Variants in GPC3 observed in about 807,000 individuals in gnomAD.
The protein encoded by GPC3 is glypican 3.
A neutral mutation model predicts 34.4 loss-of-function variants in GPC3; 3 were observed. That is an observed-to-expected ratio of 0.09 (90% confidence interval 0.04 to 0.23). The LOEUF (loss-of-function observed/expected upper bound fraction) is 0.23, where lower values mean the gene tolerates loss of function less well. Ranked by LOEUF, GPC3 falls within the 10% of genes least tolerant of loss-of-function variation. The probability of loss-of-function intolerance (pLI) is 1.00; values close to 1 mark genes in which losing one functional copy is unlikely to be tolerated. For synonymous variants in GPC3, 177 were observed against 174.0 expected (o/e 1.02, Z -0.13); for missense variants, 351 against 445.6 (o/e 0.79, Z 1.91).
At position 133,679,926 on chromosome X, in the gene GPC3, G is replaced by A. The variant is rs780062626; in HGVS notation, c.1292+12443C>T. Among the ~76,000 whole-genome samples, 11 of 111,749 alleles carry A rather than the reference G, an allele frequency of 9.8e-5. No individual in the cohort carries two copies. In the Admixed American group the frequency reaches 1.0e-3, roughly 11 times the overall value. On this transcript the variant is annotated intron_variant, in intron 5 of 7. Transcript: ENST00000370818. The stretch of plus-strand genomic sequence containing the variant: ...CCACCTTGGCCTCCCAAAGTGCTGG[G>A]ATTACAGGCATGAGCCACTGTGCCC...
At chrX:133,901,799 T>G (rs1011329572) in intron 2 of GPC3, among the ~76,000 whole-genome samples, 26 of 112,291 alleles carry the variant, frequency 2.3e-4, no homozygotes, top group Non-Finnish European at 4.5e-4. Flanking sequence ...GGTAATTTCT[T>G]ATTTCAGAAA....
chrX:133,876,485 C>T (rs1316215932), intron 2 of GPC3, among the ~76,000 whole-genome samples: 3 of 111,645 alleles, frequency 2.7e-5, no homozygotes, highest in Non-Finnish European at 3.8e-5. Context: ...GTTTTAATTC[C>T]AATTTATGTC....
chrX:133,647,638 C>T (rs2070557901), intron 6 of GPC3, among the ~76,000 whole-genome samples: 1 of 112,174 alleles, frequency 8.9e-6, no homozygotes, highest in South Asian at 3.7e-4. Context: ...CGAACAGTCA[C>T]TGCTTCCCTC....
intron 2 of GPC3, among the ~76,000 whole-genome samples, chrX:133,923,779 A>C (rs1261329510): frequency 8.9e-6 from 1 of 112,499 alleles, no homozygotes; most frequent in Non-Finnish European, 1.9e-5. Flanking sequence ...CTCAAGCTGG[A>C]TCTTCCAAAG....
At chrX:133,684,944 T>C (rs146082689) in intron 5 of GPC3, among the ~76,000 whole-genome samples, 127 of 110,099 alleles carry the variant, frequency 1.2e-3, no homozygotes, top group African/African-American at 4.1e-3. Context: ...TCTTTCCTTG[T>C]TTCCATGTAA....
intron 2 of GPC3, among the ~76,000 whole-genome samples, chrX:133,908,520 C>T (rs908587167): frequency 1.8e-5 from 2 of 111,584 alleles, no homozygotes; most frequent in African/African-American, 6.5e-5. Context: ...GGGTCTAAAC[C>T]GAGGCTTAAA....
At chrX:133,957,856 TG>T (rs199776058) in intron 1 of GPC3, among the ~76,000 whole-genome samples, 1 of 110,931 alleles carries the variant, frequency 9.0e-6, no homozygotes, top group Non-Finnish European at 1.9e-5. Flanking sequence ...ATTTTTTTTT[TG>T]TAAAAATGGA....
intron 2 of GPC3, among the ~76,000 whole-genome samples, chrX:133,852,531 A>C (rs931675313): frequency 1.8e-4 from 20 of 112,087 alleles, no homozygotes; most frequent in Non-Finnish European, 3.8e-5. Context: ...AAAATCCTGG[A>C]AAGCAACTAA....
chrX:133,683,178 G>A (rs2070963318), intron 5 of GPC3, among the ~76,000 whole-genome samples: 1 of 111,231 alleles, frequency 9.0e-6, no homozygotes, highest in African/African-American at 3.3e-5. Flanking sequence ...CAAAAAGGAG[G>A]TAGAAAAATT....
intron 2 of GPC3, among the ~76,000 whole-genome samples, chrX:133,878,198 C>T (rs1369506912): frequency 2.7e-5 from 3 of 111,376 alleles, no homozygotes; most frequent in Non-Finnish European, 5.7e-5. Context: ...GAGGCTGAGG[C>T]GGGTGGATTA....
intron 2 of GPC3, among the ~76,000 whole-genome samples, chrX:133,805,755 T>C (rs2075632520): frequency 8.9e-6 from 1 of 112,174 alleles, no homozygotes; most frequent in Non-Finnish European, 1.9e-5. Context: ...AGGAATCACA[T>C]ATAAAGTATA....
intron 2 of GPC3, among the ~76,000 whole-genome samples, chrX:133,828,521 T>C (rs988121421): frequency 2.7e-5 from 3 of 111,829 alleles, no homozygotes; most frequent in African/African-American, 9.7e-5. Context: ...ATAAAACATA[T>C]AGAAAACAAA....
At chrX:133,616,073 A>G (rs1175517783) in intron 6 of GPC3, among the ~76,000 whole-genome samples, 1 of 111,787 alleles carries the variant, frequency 8.9e-6, no homozygotes, top group African/African-American at 3.2e-5. Context: ...TTAGGCAATA[A>G]AAGTCCCCAG....
chrX:133,648,186 C>T (rs1464729672), intron 6 of GPC3, among the ~76,000 whole-genome samples: 1 of 111,581 alleles, frequency 9.0e-6, no homozygotes, highest in East Asian at 2.8e-4. Context: ...CCGCAGCCCA[C>T]GGGCTGCATA....
Position 133,580,000 on chromosome X carries a change from C to T in GPC3, c.1573+16440G>A, listed in dbSNP as rs141715866. 9.3e-3 allele frequency among the ~76,000 whole-genome samples: 1,042 copies of T among 112,490 alleles called. 15 individuals are homozygous for T. Among genetic ancestry groups the T allele is most frequent in the African/African-American group, 0.03 (941 of 30,958 alleles). ...ACAAGACTTTACAAAGGCCCAGGCA[C>T]GCCTGAAGGAACAGAATAGCAAGTT... On this transcript the variant is annotated intron_variant, in intron 7 of 7. Transcript: ENST00000370818.
chrX:133,559,424 G>A (rs751913201), intron 7 of GPC3, among the ~76,000 whole-genome samples: 1 of 111,501 alleles, frequency 9.0e-6, no homozygotes, highest in Non-Finnish European at 1.9e-5. Flanking sequence ...TAGTGGGTAC[G>A]GAGTTGAGGA....
At chrX:133,630,018 C>A (rs1273633377) in intron 6 of GPC3, among the ~76,000 whole-genome samples, 4 of 109,796 alleles carry the variant, frequency 3.6e-5, no homozygotes, top group Non-Finnish European at 7.6e-5. Context: ...CGTGCCATTG[C>A]ACTCCAGCCT....
intron 2 of GPC3, among the ~76,000 whole-genome samples, chrX:133,795,991 G>T (rs975237828): frequency 2.0e-5 from 2 of 99,071 alleles, no homozygotes; most frequent in African/African-American, 7.6e-5. Flanking sequence ...TGTCCCCCAG[G>T]CTGGAGTGCA....
chrX:133,894,262 C>T lies in GPC3; in HGVS notation c.337+58788G>A, dbSNP rs1242410136. ...TCTCCTAAGGTATAAGTGAGACAGG[C>T]ACAATGTGCATCCTCTTGTATCTCA... On this transcript the variant is annotated intron_variant, in intron 2 of 7. Transcript: ENST00000370818. Among the ~76,000 whole-genome samples, 8 of 112,044 alleles carry T rather than the reference C, an allele frequency of 7.1e-5. No individual in the cohort carries two copies. The Admixed American group carries it at 7.6e-4, about 11-fold the overall frequency.
Sources: gnomAD v4.1 joint callset for allele counts (sites outside exome capture counted in the v4.1 genomes callset) on GRCh38, gnomAD v4.1.1 for gene constraint, MANE v1.5 for transcripts, NCBI Gene and HGNC (gene_info 2026-07-23, HGNC 2026-07-21) for gene names.